The following DIAPH2 variants were observed in gnomAD, a reference collection of about 807,000 sequenced individuals.
DIAPH2 encodes the protein protein diaphanous homolog 2.
A neutral mutation model predicts 92.7 loss-of-function variants in DIAPH2; 35 were observed. The observed-to-expected ratio is 0.38, with a 90% CI of 0.29 to 0.50. The LOEUF is 0.50. Among genes scored for constraint, DIAPH2 ranks in the 20% least tolerant of loss-of-function variants. The probability of loss-of-function intolerance (pLI) is 0.94; values close to 1 mark genes in which losing one functional copy is unlikely to be tolerated. For synonymous variants in DIAPH2, 301 were observed against 280.4 expected, an observed-to-expected ratio of 1.07 and a Z score of -0.73; for missense variants, 701 against 819.5, an observed-to-expected ratio of 0.86 and a Z score of 1.77.
chrX:97,075,360 A>T (rs892470283), intron 19 of DIAPH2, 99 bp downstream of exon 19: 1 of 442,401 alleles, frequency 2.3e-6, no homozygotes, highest in Admixed American at 4.3e-5. Context: ...CTATAATTAG[A>T]TTTTTAAAAA....
At chrX:97,207,957 G>A (rs1186757932) in intron 22 of DIAPH2, among the ~76,000 whole-genome samples, 1 of 111,249 alleles carries the variant, frequency 9.0e-6, no homozygotes, top group South Asian at 3.8e-4. Flanking sequence ...TTCGAGACCA[G>A]CCTGGCCAAC....
At chrX:97,014,298 T>G (rs1569279448) in intron 17 of DIAPH2, among the ~76,000 whole-genome samples, 1 of 111,744 alleles carries the variant, frequency 8.9e-6, no homozygotes, top group East Asian at 2.8e-4. Context: ...ACAGGCAAAG[T>G]GGGAATATCT....
At chrX:97,161,050 T>TG (rs1463487507) in intron 22 of DIAPH2, among the ~76,000 whole-genome samples, 2 of 89,804 alleles carry the variant, frequency 2.2e-5, no homozygotes, top group Non-Finnish European at 4.6e-5. Flanking sequence ...TTTGTTTTTT[T>TG]GTTTTTTTTT....
chrX:97,093,351 T>C (rs2066841285), intron 19 of DIAPH2, among the ~76,000 whole-genome samples: 1 of 111,442 alleles, frequency 9.0e-6, no homozygotes, highest in African/African-American at 3.3e-5. Context: ...TTCTCAATCC[T>C]GCCCAAGGAT....
intron 23 of DIAPH2, among the ~76,000 whole-genome samples, chrX:97,323,844 A>G (rs188518332): frequency 0.037 from 3,822 of 102,748 alleles, 61 homozygotes; most frequent in Middle Eastern, 0.048. Flanking sequence ...CAGATGTTGC[A>G]GTGAGCCGAG....
intron 22 of DIAPH2, among the ~76,000 whole-genome samples, chrX:97,178,595 G>A (rs2067513871): frequency 9.2e-6 from 1 of 108,176 alleles, no homozygotes; most frequent in African/African-American, 3.4e-5. Context: ...TAGGATTACA[G>A]GCGCCCACCA....
chrX:97,316,527 G>A (rs766108247), intron 23 of DIAPH2, among the ~76,000 whole-genome samples: 3 of 106,916 alleles, frequency 2.8e-5, no homozygotes, highest in African/African-American at 6.8e-5. Context: ...CTGGTGGCGC[G>A]CACCAGTAGT....
intron 4 of DIAPH2, among the ~76,000 whole-genome samples, chrX:96,861,496 CT>C (rs1341238153): frequency 1.5e-4 from 17 of 111,696 alleles, no homozygotes; most frequent in Non-Finnish European, 7.5e-5. Flanking sequence ...CCCATTACCC[CT>C]GTCACCTTTT....
At chrX:96,937,186 G>T (rs200698347) in intron 10 of DIAPH2, 47 bp from the exon 11 acceptor site, 1 of 700,834 alleles carries the variant, frequency 1.4e-6, no homozygotes, top group Non-Finnish European at 2.1e-6. Context: ...TAAATATGCC[G>T]TTGTCAAACT....
chrX:96,968,331 G>A, intron 17 of DIAPH2, among the ~76,000 whole-genome samples: 1 of 110,919 alleles, frequency 9.0e-6, no homozygotes, highest in Non-Finnish European at 1.9e-5. Context: ...TGATTCTCCT[G>A]CCTCAGACTC....
intron 19 of DIAPH2, among the ~76,000 whole-genome samples, chrX:97,080,341 A>G (rs1196967953): frequency 1.9e-5 from 2 of 108,030 alleles, no homozygotes; most frequent in African/African-American, 6.8e-5. Flanking sequence ...AATTTTCCTT[A>G]ATAATACCTA....
At chrX:97,054,117 G>A (rs1263581731) in intron 17 of DIAPH2, among the ~76,000 whole-genome samples, 1 of 111,890 alleles carries the variant, frequency 8.9e-6, no homozygotes, top group Non-Finnish European at 1.9e-5. Flanking sequence ...AGTGTAATAT[G>A]CACCAATGAA....
chrX:97,012,321 G>C (rs145275595), intron 17 of DIAPH2, among the ~76,000 whole-genome samples: 9,680 of 111,386 alleles, frequency 0.087, 503 homozygotes, highest in African/African-American at 0.18. Context: ...TGCATTCTCT[G>C]ATTTAATGTT....
chrX:97,527,898 G>T (rs1166362523), intron 26 of DIAPH2, among the ~76,000 whole-genome samples: 1 of 111,260 alleles, frequency 9.0e-6, no homozygotes, highest in Non-Finnish European at 1.9e-5. Context: ...CCCTTTTTGT[G>T]GTTCTAAGTG....
At chrX:97,261,204 T>C (rs1214509748) in intron 23 of DIAPH2, among the ~76,000 whole-genome samples, 1 of 112,773 alleles carries the variant, frequency 8.9e-6, no homozygotes, top group Non-Finnish European at 1.9e-5. Flanking sequence ...CGTGTGTGTG[T>C]GCACGTGTGT....
chrX:96,757,074 C>T (rs1002434323), intron 3 of DIAPH2, among the ~76,000 whole-genome samples: 1 of 108,383 alleles, frequency 9.2e-6, no homozygotes, highest in Non-Finnish European at 1.9e-5. Flanking sequence ...CCCGCCACCA[C>T]GCCTGGCTAA....
chrX:97,530,292 C>T (rs754503366), intron 26 of DIAPH2, among the ~76,000 whole-genome samples: 2 of 111,813 alleles, frequency 1.8e-5, no homozygotes, highest in African/African-American at 3.2e-5. Context: ...GACTGAAAAG[C>T]AGAGTGGAGC....
chrX:96,939,263 T>C lies in DIAPH2; in HGVS notation c.1209-3T>C. On this transcript the variant is annotated splice_region_variant and splice_polypyrimidine_tract_variant and intron_variant, in intron 11 of 26. Coordinates refer to ENST00000324765, the MANE Select transcript of DIAPH2 (RefSeq NM_006729.5). The stretch of plus-strand genomic sequence containing the variant: ...TCTTTAATATTTTTCCTTTACTTTC[T>C]ACTGATATGAATGAAGTCTACCATC... 2.2e-6 allele frequency: 2 copies of C among 915,243 alleles called. No individual in the cohort carries two copies. Among genetic ancestry groups the C allele is most frequent in the Non-Finnish European group, 3.1e-6 (2 of 639,781 alleles). 75.4% of individuals were successfully genotyped at this position (915,243 alleles called of 1,213,427 possible). A position where few individuals can be genotyped will look rare whatever the true frequency, so the allele number is the denominator to read the frequency against.
At chrX:97,464,400 C>T (rs767827949) in intron 26 of DIAPH2, among the ~76,000 whole-genome samples, 1 of 109,138 alleles carries the variant, frequency 9.2e-6, no homozygotes, top group Admixed American at 9.9e-5. Flanking sequence ...TGGCATGAAC[C>T]CAGGAGGCGG....
Sources: gnomAD v4.1 joint callset for allele counts (sites outside exome capture counted in the v4.1 genomes callset) on GRCh38, gnomAD v4.1.1 for gene constraint, MANE v1.5 for transcripts, NCBI Gene and HGNC (gene_info 2026-07-23, HGNC 2026-07-21) for gene names.